ACCSL: variants seen among roughly 807,000 people sequenced by gnomAD.
ACCSL encodes the protein 1-aminocyclopropane-1-carboxylate synthase homolog (inactive) like, also known as probable inactive 1-aminocyclopropane-1-carboxylate synthase-like protein 2.
In ACCSL, 55 loss-of-function variants were observed where a neutral mutation model predicts 61.7. The ratio of observed to expected loss-of-function variants is 0.89; its 90% confidence interval spans 0.72 to 1.12. ACCSL has a LOEUF of 1.12. Among genes scored for constraint, ACCSL ranks in the 50% most tolerant of loss-of-function variants. The pLI, the probability that ACCSL is intolerant of heterozygous loss-of-function variation, is 0.00. For synonymous variants in ACCSL, 258 were observed against 264.3 expected (o/e 0.98, Z 0.23); for missense variants, 632 against 698.0 (o/e 0.91, Z 1.07).
At chr11:43,941,437 G>A in the ACCSL span, among the ~76,000 whole-genome samples, 1 of 152,350 alleles carries the variant, frequency 6.6e-6, no homozygotes, top group African/African-American at 2.4e-5. Context: ...AAAGGACGGA[G>A]GCCAAATCCC....
At chr11:43,943,254 A>T in the ACCSL span, 1 of 1,516,064 alleles carries the variant, frequency 6.6e-7, no homozygotes, top group Non-Finnish European at 8.8e-7. The surrounding 1 kb of genome is among the most constrained non-coding windows in gnomAD (Gnocchi z 4.8). Context: ...GACTCCAGCG[A>T]CTCCGACTCG....
At chr11:43,967,771 G>A in the ACCSL span, among the ~76,000 whole-genome samples, 1 of 152,028 alleles carries the variant, frequency 6.6e-6, no homozygotes, top group Non-Finnish European at 1.5e-5. Context: ...ATAAGCCATT[G>A]AACGAGTTGG....
chr11:44,036,737 G>A, the ACCSL span, among the ~76,000 whole-genome samples: 2 of 141,080 alleles, frequency 1.4e-5, no homozygotes, highest in Non-Finnish European at 3.0e-5. Context: ...AGTCAAGATC[G>A]CCCCACTGCA....
chr11:43,975,690 C>T, the ACCSL span, among the ~76,000 whole-genome samples: 2 of 152,116 alleles, frequency 1.3e-5, no homozygotes, highest in African/African-American at 4.8e-5. Flanking sequence ...ACATCACTAC[C>T]TTGATCTGAA....
At chr11:44,011,371 A>C in the ACCSL span, among the ~76,000 whole-genome samples, 1 of 152,122 alleles carries the variant, frequency 6.6e-6, no homozygotes, top group Non-Finnish European at 1.5e-5. Context: ...TGCCTTCCCC[A>C]TTTCATTATA....
chr11:43,942,617 G>A, the ACCSL span: 1 of 306,770 alleles, frequency 3.3e-6, no homozygotes, highest in South Asian at 2.4e-5. Context: ...TATAAGCCGC[G>A]AGCCTGGCCG....
At chr11:44,032,394 A>C in the ACCSL span, among the ~76,000 whole-genome samples, 145 of 152,342 alleles carry the variant, frequency 9.5e-4, no homozygotes, top group Middle Eastern at 0.02. Flanking sequence ...TCACATGGCC[A>C]AATCCAGAGT....
the ACCSL span, among the ~76,000 whole-genome samples, chr11:44,017,522 T>C: frequency 6.6e-6 from 1 of 152,214 alleles, no homozygotes; most frequent in South Asian, 2.1e-4. Flanking sequence ...TTTGTCCACC[T>C]GGCCTATGGG....
chr11:43,954,493 G>C, the ACCSL span, among the ~76,000 whole-genome samples: 1 of 152,150 alleles, frequency 6.6e-6, no homozygotes, highest in East Asian at 1.9e-4. Flanking sequence ...TTTGCATAGA[G>C]CGAGAAAATC....
the ACCSL span, among the ~76,000 whole-genome samples, chr11:43,924,808 C>T: frequency 3.3e-5 from 5 of 152,212 alleles, no homozygotes; most frequent in Non-Finnish European, 7.3e-5. Flanking sequence ...CCACCAAAGG[C>T]GGATTCTGCA....
chr11:44,001,775 C>CTGTGTGTGTGTGTGTGTGTG, the ACCSL span, among the ~76,000 whole-genome samples: 34 of 96,834 alleles, frequency 3.5e-4, no homozygotes, highest in African/African-American at 1.3e-3. Flanking sequence ...GGTAAAGGGG[C>CTGTGTGTGTGTGTGTGTGTG]TGTGTGTGTG....
chr11:44,059,238 T>A (rs1034545220), intron 13 of ACCSL, among the ~76,000 whole-genome samples: 1 of 152,064 alleles, frequency 6.6e-6, no homozygotes, highest in African/African-American at 2.4e-5. Flanking sequence ...TGAGACTGTT[T>A]CAAGAAAACA....
chr11:43,923,331 G>T, the ACCSL span, among the ~76,000 whole-genome samples: 2 of 152,036 alleles, frequency 1.3e-5, no homozygotes, highest in African/African-American at 4.8e-5. Context: ...TGCCTTTTCT[G>T]GTCATAAACA....
intron 9 of ACCSL, 115 bp downstream of exon 9, chr11:44,055,406 C>T (rs891724545): frequency 4.6e-5 from 31 of 671,028 alleles, no homozygotes; most frequent in Non-Finnish European, 6.9e-5. Context: ...GTTAACTGCC[C>T]ACAGGGCCTG....
the ACCSL span, among the ~76,000 whole-genome samples, chr11:43,948,918 AT>A: frequency 6.6e-6 from 1 of 152,176 alleles, no homozygotes. Flanking sequence ...CTGCAAACAT[AT>A]GCATAGCTGG....
the ACCSL span, among the ~76,000 whole-genome samples, chr11:43,977,686 G>A: frequency 6.6e-6 from 1 of 152,176 alleles, no homozygotes; most frequent in Admixed American, 6.5e-5. Flanking sequence ...TAACAGCAAT[G>A]GGAAACTAAT....
At chr11:43,996,804 C>T in the ACCSL span, among the ~76,000 whole-genome samples, 3 of 111,566 alleles carry the variant, frequency 2.7e-5, no homozygotes, top group African/African-American at 1.1e-4. Flanking sequence ...AGGTTCTCAA[C>T]CTTTTTTCCT....
the ACCSL span, among the ~76,000 whole-genome samples, chr11:43,982,632 G>A: frequency 6.6e-6 from 1 of 152,114 alleles, no homozygotes; most frequent in Non-Finnish European, 1.5e-5. Flanking sequence ...GCACGTGGCC[G>A]AGTCCCTGGC....
the ACCSL span, among the ~76,000 whole-genome samples, chr11:43,950,039 T>C: frequency 1.3e-5 from 2 of 152,246 alleles, no homozygotes; most frequent in Non-Finnish European, 2.9e-5. Context: ...CTCTGCCTTA[T>C]TGTTTATGTA....
Sources: allele counts gnomAD v4.1 joint callset (sites outside exome capture counted in the v4.1 genomes callset), GRCh38; gene constraint gnomAD v4.1.1; non-coding constraint Gnocchi (gnomAD v3.1); transcripts MANE v1.5; gene names NCBI Gene and HGNC (gene_info 2026-07-23, HGNC 2026-07-21).